Variants in SLC16A7 observed in about 807,000 individuals in gnomAD.
SLC16A7 encodes the protein solute carrier family 16 member 7.
SLC16A7 carries 33 observed loss-of-function variants against 34.9 expected under a neutral mutation model. That is an observed-to-expected ratio of 0.94 (90% confidence interval 0.72 to 1.26). The LOEUF (loss-of-function observed/expected upper bound fraction) is 1.26. Ranked by LOEUF, SLC16A7 falls within the 50% of genes most tolerant of loss-of-function variation. SLC16A7 has a pLI of 0.00. For missense variants in SLC16A7, 573 were observed against 578.1 expected (o/e 0.99, Z 0.09); for synonymous variants, 201 against 206.6 (o/e 0.97, Z 0.23).
intron 2 of SLC16A7, among the ~76,000 whole-genome samples, chr12:59,661,155 A>G (rs1187435044): frequency 6.6e-6 from 1 of 151,992 alleles, no homozygotes; most frequent in Non-Finnish European, 1.5e-5. Flanking sequence ...GGGGATAATG[A>G]CCAGTTTTGA....
intron 2 of SLC16A7, among the ~76,000 whole-genome samples, chr12:59,688,566 C>T (rs1871330464): frequency 6.6e-6 from 1 of 151,944 alleles, no homozygotes; most frequent in Non-Finnish European, 1.5e-5. Flanking sequence ...CTTACCTGTA[C>T]CATAACAGGT....
chr12:59,774,679 G>A lies in SLC16A7; in HGVS notation c.384G>A (p.Leu128=). The change falls in exon 5 of 6, where the codon CTG becomes CTA. Residue 128 remains leucine, a synonymous_variant. Transcript: ENST00000547379. ...TAGGTTTAGGTTTAGCCTTCAACCT[G>A]CAACCCGCCTTAACCATAATTGGCA... ...FITGLGLAFN[L]QPALTIIGKY... 1 of 1,592,514 alleles carries A rather than the reference G, an allele frequency of 6.3e-7. No homozygotes were observed. The highest frequency in any genetic ancestry group is 1.1e-5 in the South Asian group (1 of 87,100).
intron 3 of SLC16A7, among the ~76,000 whole-genome samples, chr12:59,721,475 C>G (rs1270672366): frequency 1.3e-5 from 2 of 151,976 alleles, no homozygotes; most frequent in African/African-American, 2.4e-5. Flanking sequence ...CCTCTCACAA[C>G]TGGGTCATTC....
chr12:59,769,499 G>A (rs994826419), intron 3 of SLC16A7, among the ~76,000 whole-genome samples: 14 of 151,838 alleles, frequency 9.2e-5, no homozygotes, highest in Non-Finnish European at 1.9e-4. Context: ...TTTTTATAGA[G>A]CATTCTTTCA....
chr12:59,667,708 C>T (rs1056055716), intron 2 of SLC16A7, among the ~76,000 whole-genome samples: 2 of 152,182 alleles, frequency 1.3e-5, no homozygotes, highest in African/African-American at 4.8e-5. Flanking sequence ...CAGACATTTG[C>T]CTAAGTAACA....
chr12:59,615,777 G>A (rs1015492276), intron 1 of SLC16A7, among the ~76,000 whole-genome samples: 4 of 152,182 alleles, frequency 2.6e-5, no homozygotes, highest in Non-Finnish European at 5.9e-5. Flanking sequence ...TTGTGTAGCT[G>A]ACAGTGTTTT....
intron 1 of SLC16A7, among the ~76,000 whole-genome samples, chr12:59,642,943 T>G (rs1419167265): frequency 6.6e-6 from 1 of 152,124 alleles, no homozygotes; most frequent in Admixed American, 6.6e-5. Context: ...GAAAGTTTAT[T>G]GTAGAGCCAT....
At chr12:59,652,644 C>CCAAA (rs2046700569) in intron 1 of SLC16A7, among the ~76,000 whole-genome samples, 1 of 151,810 alleles carries the variant, frequency 6.6e-6, no homozygotes, top group Admixed American at 6.6e-5. Flanking sequence ...ACCTAGCCTT[C>CCAAA]CAAAGGCCTA....
intron 3 of SLC16A7, among the ~76,000 whole-genome samples, chr12:59,755,062 T>A (rs1392239918): frequency 6.6e-6 from 1 of 152,180 alleles, no homozygotes. Context: ...CAACAACACT[T>A]CATGCTAAAA....
intron 1 of SLC16A7, among the ~76,000 whole-genome samples, chr12:59,611,785 A>G (rs988191286): frequency 6.6e-6 from 1 of 152,344 alleles, no homozygotes; most frequent in Admixed American, 6.5e-5. Flanking sequence ...GGCCCCATGC[A>G]AGTCTGGAAT....
At chr12:59,706,489 C>G (rs1448662691) in intron 3 of SLC16A7, among the ~76,000 whole-genome samples, 3 of 151,994 alleles carry the variant, frequency 2.0e-5, no homozygotes, top group Admixed American at 1.3e-4. Flanking sequence ...GTTAAACATG[C>G]ATTTTTCTTC....
chr12:59,737,209 A>G (rs886839558), intron 3 of SLC16A7, among the ~76,000 whole-genome samples: 2 of 152,238 alleles, frequency 1.3e-5, no homozygotes, highest in African/African-American at 4.8e-5. Context: ...CCATGAGGTT[A>G]TCTTCTTTGA....
At chr12:59,706,895 T>C (rs1234093198) in intron 3 of SLC16A7, among the ~76,000 whole-genome samples, 1 of 151,698 alleles carries the variant, frequency 6.6e-6, no homozygotes, top group South Asian at 2.1e-4. Flanking sequence ...AACTCATCAG[T>C]AGGACAAAAT....
At chr12:59,610,678 A>T (rs1415547339) in intron 1 of SLC16A7, among the ~76,000 whole-genome samples, 2 of 152,222 alleles carry the variant, frequency 1.3e-5, no homozygotes, top group African/African-American at 2.4e-5. Flanking sequence ...CATTATAGAC[A>T]GTTTAGCTCT....
intron 3 of SLC16A7, among the ~76,000 whole-genome samples, chr12:59,747,796 G>T (rs1054533566): frequency 6.6e-6 from 1 of 152,132 alleles, no homozygotes; most frequent in African/African-American, 2.4e-5. Flanking sequence ...AGAAAAAGTG[G>T]ATCTTATTTG....
At chr12:59,666,994 C>T (rs139167707) in intron 2 of SLC16A7, among the ~76,000 whole-genome samples, 2 of 152,186 alleles carry the variant, frequency 1.3e-5, no homozygotes, top group East Asian at 1.9e-4. Flanking sequence ...TATAGTTCCA[C>T]GTGGCTGGGG....
intron 1 of SLC16A7, among the ~76,000 whole-genome samples, chr12:59,609,448 G>A (rs112279415): frequency 1.2e-4 from 18 of 151,812 alleles, no homozygotes; most frequent in Non-Finnish European, 2.5e-4. Flanking sequence ...GCAGATAAGC[G>A]ACTTAGAGAA....
At chr12:59,750,957 A>G (rs909773924) in intron 3 of SLC16A7, among the ~76,000 whole-genome samples, 1 of 152,012 alleles carries the variant, frequency 6.6e-6, no homozygotes, top group African/African-American at 2.4e-5. Context: ...AAACTAACAC[A>G]GGAACAGAAA....
chr12:59,607,826 G>A (rs1879013315), intron 1 of SLC16A7, among the ~76,000 whole-genome samples: 1 of 152,036 alleles, frequency 6.6e-6, no homozygotes, highest in African/African-American at 2.4e-5. Flanking sequence ...TTTTGTAACA[G>A]CATTAGGAAA....
Sources: allele counts gnomAD v4.1 joint callset (sites outside exome capture counted in the v4.1 genomes callset), GRCh38; gene constraint gnomAD v4.1.1; transcripts MANE v1.5; gene names NCBI Gene and HGNC (gene_info 2026-07-23, HGNC 2026-07-21).